The following CASK variants were observed in gnomAD, a reference collection of about 807,000 sequenced individuals.
CASK encodes the protein peripheral plasma membrane protein CASK.
Under a neutral mutation model 82.9 loss-of-function variants are expected in CASK, and 4 were observed. The ratio of observed to expected loss-of-function variants is 0.05; its 90% CI spans 0.02 to 0.11. The LOEUF (loss-of-function observed/expected upper bound fraction) is 0.11, where lower values mean the gene tolerates loss of function less well. Among genes scored for constraint, CASK ranks in the 10% least tolerant of loss-of-function variants. CASK has a pLI of 1.00. For synonymous variants in CASK, 259 were observed against 253.5 expected (o/e 1.02, Z -0.20); for missense variants, 358 against 720.9 (o/e 0.50, Z 5.76).
intron 2 of CASK, among the ~76,000 whole-genome samples, chrX:41,818,833 G>A (rs2070469404): frequency 1.9e-5 from 2 of 107,724 alleles, no homozygotes; most frequent in Admixed American, 2.0e-4. Context: ...AAAAAGACAA[G>A]ACCAAAAAAA....
At chrX:41,779,903 AAC>A (rs1191121576) in intron 3 of CASK, among the ~76,000 whole-genome samples, 2 of 111,594 alleles carry the variant, frequency 1.8e-5, no homozygotes, top group Non-Finnish European at 3.8e-5. Context: ...GAGCTACAAA[AAC>A]ACAAACTGCT....
At chrX:41,795,070 C>A (rs6520767) in intron 2 of CASK, among the ~76,000 whole-genome samples, 1 of 111,804 alleles carries the variant, frequency 8.9e-6, no homozygotes, top group Admixed American at 9.5e-5. Context: ...AAATTCTGTA[C>A]GGCATAGTGA....
At chrX:41,687,684 C>T (rs773020002) in intron 5 of CASK, among the ~76,000 whole-genome samples, 14 of 110,825 alleles carry the variant, frequency 1.3e-4, no homozygotes, top group African/African-American at 3.0e-4. Flanking sequence ...TGGGGCTGGG[C>T]GCAATGGCTC....
chrX:41,915,801 T>A (rs1331523302), intron 1 of CASK, among the ~76,000 whole-genome samples: 1 of 105,244 alleles, frequency 9.5e-6, no homozygotes, highest in Non-Finnish European at 2.0e-5. Context: ...CATCCTGGCT[T>A]ACATGGTGAA....
chrX:41,702,591 C>T (rs549333931), intron 5 of CASK, among the ~76,000 whole-genome samples: 2 of 109,970 alleles, frequency 1.8e-5, no homozygotes, highest in Non-Finnish European at 3.8e-5. Context: ...GTCAAGAGAT[C>T]GACACCATCC....
intron 3 of CASK, among the ~76,000 whole-genome samples, chrX:41,767,911 C>T (rs2069147149): frequency 8.9e-6 from 1 of 111,855 alleles, no homozygotes; most frequent in Non-Finnish European, 1.9e-5. Flanking sequence ...TTTCCCTCTC[C>T]ATACTTTGTT....
chrX:41,890,198 TATC>T (rs2072137391), intron 1 of CASK, among the ~76,000 whole-genome samples: 1 of 99,072 alleles, frequency 1.0e-5, no homozygotes. Flanking sequence ...TTTTTCTCCT[TATC>T]ATGTGAATGT....
chrX:41,566,819 AC>A (rs1462322655), intron 16 of CASK, among the ~76,000 whole-genome samples: 1 of 111,623 alleles, frequency 9.0e-6, no homozygotes, highest in African/African-American at 3.3e-5. Context: ...GAGGCATCAC[AC>A]TACCTGACTT....
chrX:41,710,437 T>C (rs934750086), intron 5 of CASK, among the ~76,000 whole-genome samples: 2 of 111,562 alleles, frequency 1.8e-5, no homozygotes, highest in South Asian at 7.4e-4. Flanking sequence ...TTCTTATGAC[T>C]GCCACTGAAG....
intron 1 of CASK, among the ~76,000 whole-genome samples, chrX:41,915,472 T>C (rs759234059): frequency 6.0e-4 from 68 of 112,585 alleles, no homozygotes; most frequent in African/African-American, 2.1e-3. Context: ...TCCAGAAAGA[T>C]GGAGAAGAAA....
chrX:41,755,937 A>G (rs922956201), intron 3 of CASK, among the ~76,000 whole-genome samples: 3 of 112,262 alleles, frequency 2.7e-5, no homozygotes. Flanking sequence ...AAGAAGACTC[A>G]ATATTGTAAA....
At chrX:41,642,271 C>T (rs1451548343) in intron 8 of CASK, among the ~76,000 whole-genome samples, 13 of 111,324 alleles carry the variant, frequency 1.2e-4, no homozygotes, top group South Asian at 3.8e-4. Context: ...AGTAATGGGA[C>T]GGCTGGGTCA....
chrX:41,841,360 T>C (rs1349303596), intron 2 of CASK, among the ~76,000 whole-genome samples: 1 of 111,479 alleles, frequency 9.0e-6, no homozygotes. Context: ...TGAAGAAATG[T>C]CTATTCAAAT....
chrX:41,875,909 T>G (rs771394680), intron 1 of CASK, among the ~76,000 whole-genome samples: 1 of 111,779 alleles, frequency 8.9e-6, no homozygotes, highest in African/African-American at 3.2e-5. Context: ...GCTGGCTTAG[T>G]GGAACCATCT....
At chrX:41,704,277 T>C (rs2067848622) in intron 5 of CASK, among the ~76,000 whole-genome samples, 1 of 112,007 alleles carries the variant, frequency 8.9e-6, no homozygotes, top group African/African-American at 3.2e-5. Flanking sequence ...CACTTATGCA[T>C]TCCTCAAGGA....
At chrX:41,733,476 C>T (rs749818413) in intron 5 of CASK, among the ~76,000 whole-genome samples, 4 of 111,192 alleles carry the variant, frequency 3.6e-5, no homozygotes, top group East Asian at 2.8e-4. Flanking sequence ...TGGCTGGGCA[C>T]GGTGGCTCAC....
intron 5 of CASK, among the ~76,000 whole-genome samples, chrX:41,732,002 C>T (rs767641382): frequency 9.4e-6 from 1 of 106,155 alleles, no homozygotes; most frequent in East Asian, 2.9e-4. Flanking sequence ...TCTTGAACTC[C>T]TGGGCTCAAG....
intron 1 of CASK, among the ~76,000 whole-genome samples, chrX:41,901,511 A>AAGT (rs1210044668): frequency 4.0e-4 from 44 of 109,722 alleles, no homozygotes; most frequent in Non-Finnish European, 9.5e-5. Context: ...AAAGAAGAAG[A>AAGT]AGTAGGCACT....
chrX:41,808,607 G>C (rs1206650672), intron 2 of CASK, among the ~76,000 whole-genome samples: 1 of 112,213 alleles, frequency 8.9e-6, no homozygotes, highest in African/African-American at 3.2e-5. Flanking sequence ...CAAGATGGCT[G>C]AATAGGAACA....
Sources: allele counts gnomAD v4.1 joint callset (sites outside exome capture counted in the v4.1 genomes callset), GRCh38; gene constraint gnomAD v4.1.1; transcripts MANE v1.5; gene names NCBI Gene and HGNC (gene_info 2026-07-23, HGNC 2026-07-21).